The following GRIA4 variants were observed in gnomAD, a reference collection of about 807,000 sequenced individuals.
The protein encoded by GRIA4 is glutamate ionotropic receptor AMPA type subunit 4.
In GRIA4, 34 loss-of-function variants were observed where a neutral mutation model predicts 104.0. That is an observed-to-expected ratio of 0.33 (90% CI 0.25 to 0.44). The LOEUF is 0.44. Ranked by LOEUF, GRIA4 falls within the 20% of genes least tolerant of loss-of-function variation. GRIA4 has a pLI of 1.00. For missense variants in GRIA4, 750 were observed against 1,096.5 expected (o/e 0.68, Z 4.46); for synonymous variants, 386 against 381.9 (o/e 1.01, Z -0.13).
intron 4 of GRIA4, among the ~76,000 whole-genome samples, chr11:105,802,792 T>C (rs991595859): frequency 1.3e-5 from 2 of 151,888 alleles, no homozygotes; most frequent in Admixed American, 6.6e-5. Context: ...ACAACATTTA[T>C]TTTTTATTTG....
At position 105,898,287 on chromosome 11, in the gene GRIA4, CTT is replaced by C; in HGVS notation, c.746_747del (p.Leu249ArgfsTer19). 6.4e-7 allele frequency: 1 copy of C among 1,558,114 alleles called. No individual in the cohort carries two copies. Among genetic ancestry groups the C allele is most frequent in the Non-Finnish European group, 8.8e-7 (1 of 1,131,850 alleles). On this transcript the variant is annotated frameshift_variant, in exon 7 of 17. Transcript: ENST00000282499. LOFTEE classifies it high-confidence loss of function. Reference protein sequence around the residue: ...IANLGFKDISLERFIHGGANV... With the variant: ...IANLGFKDISXERFIHGGANV... ...TTTATAGGGATTCAAGGATATTTCTCTTGAGAGGTTTATACATGGTGGAGCCA... is the reference window on the plus strand; with the variant it reads ...TTTATAGGGATTCAAGGATATTTCTCGAGAGGTTTATACATGGTGGAGCCA...
At chr11:105,662,207 T>C (rs1286198175) in intron 3 of GRIA4, among the ~76,000 whole-genome samples, 2 of 151,896 alleles carry the variant, frequency 1.3e-5, no homozygotes, top group Admixed American at 6.6e-5. Context: ...GAATATGTTA[T>C]TGTATTTAAC....
At position 105,636,063 on chromosome 11, in the gene GRIA4, A is replaced by T. The variant is rs191125809; in HGVS notation, c.247+23629A>T. The stretch of plus-strand genomic sequence containing the variant: ...GAACTCAAAACACTTGCTTTTAGTT[A>T]TCTAGTGTATTTATAATCCATGAGC... On this transcript the variant is annotated intron_variant, in intron 3 of 16. Coordinates refer to ENST00000282499, the MANE Select transcript of GRIA4 (RefSeq NM_000829.4). Among the ~76,000 whole-genome samples the T allele has an allele frequency of 9.6e-4, 146 of 152,306 alleles. 1 individual carries two copies. Among genetic ancestry groups the T allele is most frequent in the Non-Finnish European group, 1.7e-3 (113 of 68,030 alleles).
In GRIA4 at chr11:105,981,371, C is replaced by T. The variant is rs918952441; in HGVS notation, c.*1632C>T. On this transcript the variant is annotated 3_prime_UTR_variant, in exon 17 of 17. Coordinates refer to ENST00000282499, the MANE Select transcript of GRIA4 (RefSeq NM_000829.4). The stretch of plus-strand genomic sequence containing the variant: ...CATATGAGTGAGCAGTGGCCCAAAG[C>T]CATGCACATCAGTGGCTCATTTAAG... 1 of 152,488 alleles carries T rather than the reference C, an allele frequency of 6.6e-6. No homozygotes were observed. Among genetic ancestry groups the T allele is most frequent in the Non-Finnish European group, 1.5e-5 (1 of 68,016 alleles). The allele number at this position is 152,488 out of a possible 1,614,324, so 9.4% of individuals were successfully genotyped here.
At chr11:105,961,061 G>A (rs1213693178) in intron 14 of GRIA4, among the ~76,000 whole-genome samples, 1 of 152,114 alleles carries the variant, frequency 6.6e-6, no homozygotes, top group Non-Finnish European at 1.5e-5. Context: ...CAGCCATCTT[G>A]GCCCCGCCCA....
chr11:105,748,629 C>G (rs1175520816), intron 3 of GRIA4, among the ~76,000 whole-genome samples: 1 of 151,990 alleles, frequency 6.6e-6, no homozygotes, highest in African/African-American at 2.4e-5. Context: ...GTGATCCGCC[C>G]GCCTTGGCCT....
intron 4 of GRIA4, among the ~76,000 whole-genome samples, chr11:105,772,226 AT>A: frequency 6.6e-6 from 1 of 152,182 alleles, no homozygotes; most frequent in Non-Finnish European, 1.5e-5. Flanking sequence ...AGTGAATACC[AT>A]AAACCCTGAA....
At chr11:105,724,376 T>TAC (rs1328229677) in intron 3 of GRIA4, among the ~76,000 whole-genome samples, 4 of 122,346 alleles carry the variant, frequency 3.3e-5, no homozygotes, top group East Asian at 2.5e-4. Context: ...CACCATTATA[T>TAC]ATACACACAC....
Position 105,734,364 on chromosome 11 carries a change from A to C in GRIA4, c.248-18617A>C, listed in dbSNP as rs566242156. ...TACTCACTAAATATGCCTTGAGTCC[A>C]TGTATTTCTCTTGCTCTTCACAGCC... is the stretch of plus-strand genomic sequence containing the variant. On this transcript the variant is annotated intron_variant, in intron 3 of 16. Coordinates refer to ENST00000282499, the MANE Select transcript of GRIA4 (RefSeq NM_000829.4). Among the ~76,000 whole-genome samples, 3 of 152,202 alleles carry C rather than the reference A, an allele frequency of 2.0e-5. No individual in the cohort carries two copies. The South Asian group carries it at 6.2e-4, about 32-fold the overall frequency.
intron 16 of GRIA4, among the ~76,000 whole-genome samples, chr11:105,979,237 CA>C (rs879369839): frequency 1.3e-5 from 2 of 152,180 alleles, no homozygotes; most frequent in Non-Finnish European, 2.9e-5. Flanking sequence ...TGTTGTCAAA[CA>C]TAAAAGAGCT....
At chr11:105,899,256 A>G (rs1291267993) in intron 7 of GRIA4, among the ~76,000 whole-genome samples, 2 of 152,232 alleles carry the variant, frequency 1.3e-5, no homozygotes, top group African/African-American at 4.8e-5. Context: ...TGGCCAGCTC[A>G]GCATACCATC....
At chr11:105,639,082 C>T (rs1951286764) in intron 3 of GRIA4, among the ~76,000 whole-genome samples, 1 of 152,076 alleles carries the variant, frequency 6.6e-6, no homozygotes, top group African/African-American at 2.4e-5. Flanking sequence ...GCCAAAAATG[C>T]ATCTTATTTC....
chr11:105,907,546 TAGAG>T (rs555143183), intron 9 of GRIA4, among the ~76,000 whole-genome samples: 67 of 152,268 alleles, frequency 4.4e-4, no homozygotes, highest in Non-Finnish European at 9.0e-4. Flanking sequence ...GGAAAACTGA[TAGAG>T]AGTCTCATTA....
Position 105,942,139 on chromosome 11 carries a change from C to A in GRIA4, c.2294+8170C>A, listed in dbSNP as rs567210724. On this transcript the variant is annotated intron_variant, in intron 14 of 16. Coordinates refer to ENST00000282499, the MANE Select transcript of GRIA4 (RefSeq NM_000829.4). ...GTATCCAGAGTCCTAAAACAGTCCC[C>A]TAACCTTTGGCTTATATCTGAAGCT... Among the ~76,000 whole-genome samples the A allele has an allele frequency of 9.2e-4, 140 of 152,106 alleles. 1 individual carries two copies. In the South Asian group the frequency reaches 0.014, roughly 15 times the overall value.
intron 14 of GRIA4, among the ~76,000 whole-genome samples, chr11:105,959,644 T>C (rs541613302): frequency 2.0e-5 from 3 of 152,348 alleles, no homozygotes; most frequent in Non-Finnish European, 2.9e-5. Flanking sequence ...GCACCCTTTA[T>C]GGAGAGACGT....
intron 11 of GRIA4, among the ~76,000 whole-genome samples, chr11:105,923,505 G>T (rs941681367): frequency 6.6e-6 from 1 of 152,202 alleles, no homozygotes; most frequent in East Asian, 1.9e-4. Flanking sequence ...AAAATATTTA[G>T]ATCAGCATCA....
At chr11:105,825,976 T>G (rs577571639) in intron 4 of GRIA4, among the ~76,000 whole-genome samples, 1 of 152,070 alleles carries the variant, frequency 6.6e-6, no homozygotes, top group South Asian at 2.1e-4. Context: ...ACCCCATAGT[T>G]GAATTTGGAT....
chr11:105,877,469 AG>A (rs1240826013), intron 5 of GRIA4, among the ~76,000 whole-genome samples: 1 of 152,032 alleles, frequency 6.6e-6, no homozygotes, highest in East Asian at 1.9e-4. Context: ...TGCTAGGTTG[AG>A]GTAGTTCTCC....
chr11:105,820,378 C>A (rs1417363061), intron 4 of GRIA4, among the ~76,000 whole-genome samples: 3 of 152,072 alleles, frequency 2.0e-5, no homozygotes. Flanking sequence ...ACTGTTCACT[C>A]CAGCCGTGCT....
Sources: gnomAD v4.1 joint callset for allele counts (sites outside exome capture counted in the v4.1 genomes callset) on GRCh38, gnomAD v4.1.1 for gene constraint, MANE v1.5 for transcripts, NCBI Gene and HGNC (gene_info 2026-07-23, HGNC 2026-07-21) for gene names.